BTG4: variants seen among roughly 807,000 people sequenced by gnomAD.
BTG4 encodes the protein protein BTG4.
In BTG4, 10 loss-of-function variants were observed where a neutral mutation model predicts 19.3. The observed-to-expected ratio is 0.52, with a 90% CI of 0.32 to 0.88. The LOEUF (loss-of-function observed/expected upper bound fraction) is 0.88, where lower values mean the gene tolerates loss of function less well. BTG4 is among the 40% of genes least tolerant of loss of function. The pLI, the probability that BTG4 is intolerant of heterozygous loss-of-function variation, is 0.04. For synonymous variants in BTG4, 91 were observed against 95.7 expected, an observed-to-expected ratio of 0.95 and a Z score of 0.29; for missense variants, 238 against 281.9, an observed-to-expected ratio of 0.84 and a Z score of 1.11.
chr11:111,489,238 A>T (rs1289603373), intron 5 of BTG4, among the ~76,000 whole-genome samples: 1 of 152,224 alleles, frequency 6.6e-6, no homozygotes, highest in East Asian at 1.9e-4. Context: ...ATGAGATATC[A>T]TCTCACCCCA....
At chr11:111,401,802 T>C in the BTG4 span, among the ~76,000 whole-genome samples, 1 of 152,202 alleles carries the variant, frequency 6.6e-6, no homozygotes, top group African/African-American at 2.4e-5. Context: ...AGGGGTTTTC[T>C]GCCCATCACT....
downstream of BTG4, among the ~76,000 whole-genome samples, chr11:111,490,261 A>C (rs1313484732): frequency 1.3e-5 from 2 of 148,660 alleles, no homozygotes; most frequent in African/African-American, 4.9e-5. Flanking sequence ...CAACGAGAGC[A>C]AAACTCCATC....
At chr11:111,435,394 G>A in the BTG4 span, among the ~76,000 whole-genome samples, 1 of 152,172 alleles carries the variant, frequency 6.6e-6, no homozygotes, top group Non-Finnish European at 1.5e-5. Context: ...AGAAAGAAGG[G>A]CTGCTGTTTC....
At chr11:111,400,501 C>G in the BTG4 span, among the ~76,000 whole-genome samples, 33 of 152,256 alleles carry the variant, frequency 2.2e-4, no homozygotes, top group African/African-American at 7.5e-4. Context: ...TATTAAATGT[C>G]TGAACTTTAA....
At chr11:111,383,955 T>C in the BTG4 span, among the ~76,000 whole-genome samples, 5 of 152,228 alleles carry the variant, frequency 3.3e-5, no homozygotes, top group Non-Finnish European at 4.4e-5. Context: ...TTAAATAAGC[T>C]AATTCTCAAT....
intron 4 of BTG4, chr11:111,496,773 A>G (rs1366634014): frequency 5.7e-6 from 1 of 175,644 alleles, no homozygotes; most frequent in East Asian, 1.5e-4. Flanking sequence ...TGAATGGGTT[A>G]TGGTTTAAAA....
At chr11:111,442,527 C>CACAT in the BTG4 span, among the ~76,000 whole-genome samples, 1 of 150,584 alleles carries the variant, frequency 6.6e-6, no homozygotes, top group Admixed American at 6.6e-5. Context: ...CACACACACA[C>CACAT]ACACACACAC....
At chr11:111,504,786 T>C (rs1216050605) in intron 1 of BTG4, among the ~76,000 whole-genome samples, 2 of 152,058 alleles carry the variant, frequency 1.3e-5, no homozygotes, top group Non-Finnish European at 2.9e-5. Flanking sequence ...GGATACAAAA[T>C]CAATGTACAA....
chr11:111,495,124 C>T lies in BTG4; in HGVS notation c.*11G>A. The stretch of plus-strand genomic sequence containing the variant: ...TCTGAGCTCTTGCCCACCACGTGCC[C>T]AGTCGCTGCGTCATCGGTGTGTGTT... On this transcript the variant is annotated 3_prime_UTR_variant, in exon 5 of 5. Coordinates refer to ENST00000692032, the MANE Select transcript of BTG4 (RefSeq NM_001367975.1). The T allele has an allele frequency of 6.6e-7, 1 of 1,516,498 alleles. No homozygotes were observed. The highest frequency in any genetic ancestry group is 8.8e-7 in the Non-Finnish European group (1 of 1,134,360). The allele number at this position is 1,516,498 out of a possible 1,614,324, so 93.9% of individuals were successfully genotyped here. A position where few individuals can be genotyped will look rare whatever the true frequency, so the allele number is the denominator to read the frequency against.
the BTG4 span, among the ~76,000 whole-genome samples, chr11:111,442,608 AAC>A: frequency 6.6e-6 from 1 of 151,826 alleles, no homozygotes; most frequent in Admixed American, 6.6e-5. Context: ...AAACAACAAC[AAC>A]AACAACAACA....
the BTG4 span, among the ~76,000 whole-genome samples, chr11:111,413,820 G>C: frequency 6.6e-6 from 1 of 152,238 alleles, no homozygotes; most frequent in Non-Finnish European, 1.5e-5. Context: ...GAGCAGGTAG[G>C]ATGGATGTCT....
chr11:111,423,849 T>G, the BTG4 span, among the ~76,000 whole-genome samples: 1 of 151,988 alleles, frequency 6.6e-6, no homozygotes, highest in African/African-American at 2.4e-5. Context: ...CTGAGGACTG[T>G]TAAGACGAAA....
the BTG4 span, among the ~76,000 whole-genome samples, chr11:111,439,877 G>A: frequency 8.6e-3 from 1,306 of 152,290 alleles, 19 homozygotes; most frequent in African/African-American, 0.03. Context: ...ATATTGATGC[G>A]GGAATTGGAA....
At chr11:111,455,636 A>C in the BTG4 span, 1 of 316,684 alleles carries the variant, frequency 3.2e-6, no homozygotes, top group Non-Finnish European at 6.7e-6. Flanking sequence ...GATCTGGCCA[A>C]CCTGGATCAG....
At chr11:111,444,348 G>A in the BTG4 span, among the ~76,000 whole-genome samples, 1 of 151,790 alleles carries the variant, frequency 6.6e-6, no homozygotes, top group Non-Finnish European at 1.5e-5. Context: ...AAAGAAACAG[G>A]AGAGTCCTAA....
At chr11:111,430,969 C>A in the BTG4 span, among the ~76,000 whole-genome samples, 1 of 152,324 alleles carries the variant, frequency 6.6e-6, no homozygotes, top group Non-Finnish European at 1.5e-5. Context: ...TAAAAGAAGG[C>A]AGTCACCACG....
the BTG4 span, among the ~76,000 whole-genome samples, chr11:111,427,762 G>A: frequency 6.2e-3 from 941 of 152,272 alleles, 11 homozygotes; most frequent in Non-Finnish European, 5.3e-3. Flanking sequence ...CCCAAGGGGA[G>A]GGGTCAGTCA....
the BTG4 span, chr11:111,449,793 G>C: frequency 6.6e-6 from 1 of 152,296 alleles, no homozygotes; most frequent in African/African-American, 2.4e-5. Context: ...CAGTCAAGCA[G>C]AATGTGCAGC....
chr11:111,471,312 T>C (rs186144835), intron 5 of BTG4, among the ~76,000 whole-genome samples: 2 of 152,188 alleles, frequency 1.3e-5, no homozygotes, highest in African/African-American at 4.8e-5. Context: ...CATCATTGAA[T>C]CTCTATTAGT....
Sources: gnomAD v4.1 joint callset for allele counts (sites outside exome capture counted in the v4.1 genomes callset) on GRCh38, gnomAD v4.1.1 for gene constraint, MANE v1.5 for transcripts, NCBI Gene and HGNC (gene_info 2026-07-23, HGNC 2026-07-21) for gene names.